Variants in COL23A1 observed in about 807,000 individuals in gnomAD.
The protein encoded by COL23A1 is collagen alpha-1(XXIII) chain.
COL23A1 carries 97 observed loss-of-function variants against 99.3 expected under a neutral mutation model. The observed-to-expected ratio is 0.98, with a 90% CI of 0.83 to 1.16. The LOEUF is 1.16. COL23A1 is among the 50% of genes most tolerant of loss of function. The pLI, the probability that COL23A1 is intolerant of heterozygous loss-of-function variation, is 0.00. For synonymous variants in COL23A1, 320 were observed against 308.2 expected (o/e 1.04, Z -0.40); for missense variants, 762 against 757.4 (o/e 1.01, Z -0.07).
chr5:178,536,201 A>C (rs645788), intron 2 of COL23A1, among the ~76,000 whole-genome samples: 76,528 of 151,978 alleles, frequency 0.5, 19,668 homozygotes, highest in Non-Finnish European at 0.57. Context: ...TCGGCTGGGG[A>C]CGCGGCTCAT....
chr5:178,291,933 T>G (rs980209524), intron 3 of COL23A1, among the ~76,000 whole-genome samples: 1 of 152,142 alleles, frequency 6.6e-6, no homozygotes, highest in Admixed American at 6.6e-5. Flanking sequence ...CAGAGCAAGA[T>G]GCTGGCAGCT....
intron 2 of COL23A1, among the ~76,000 whole-genome samples, chr5:178,495,189 T>C (rs1188122597): frequency 6.6e-6 from 1 of 152,214 alleles, no homozygotes; most frequent in African/African-American, 2.4e-5. Context: ...GCAGGCTCCC[T>C]GCACCCCGCC....
At chr5:178,523,177 T>TAC (rs1554189047) in intron 2 of COL23A1, among the ~76,000 whole-genome samples, 13 of 77,890 alleles carry the variant, frequency 1.7e-4, no homozygotes, top group East Asian at 1.2e-3. Context: ...TATATATATA[T>TAC]ACACATATAT....
intron 3 of COL23A1, among the ~76,000 whole-genome samples, chr5:178,303,207 C>T (rs1178733877): frequency 1.3e-5 from 2 of 152,178 alleles, no homozygotes; most frequent in African/African-American, 2.4e-5. Context: ...ACCATGTTGG[C>T]CAGGCTGGTC....
In COL23A1 at chr5:178,238,639, T is replaced by C. The variant is rs1581423010; in HGVS notation, c.*59A>G. On this transcript the variant is annotated 3_prime_UTR_variant, in exon 29 of 29. Transcript: ENST00000390654. Reference sequence around the variant, plus strand: ...AAAGATCAATATATTACTGTTTTGTTTTTACAAAAATTAAAAATGTCCACA... The same window carrying C: ...AAAGATCAATATATTACTGTTTTGTCTTTACAAAAATTAAAAATGTCCACA... 4 of 1,606,820 alleles carry C rather than the reference T, an allele frequency of 2.5e-6. No individual in the cohort carries two copies. The highest frequency in any genetic ancestry group is 1.3e-5 in the African/African-American group (1 of 74,794).
Position 178,246,237 on chromosome 5 carries a change from C to T in COL23A1, c.1413+17G>A. 1 of 1,553,022 alleles carries T rather than the reference C, an allele frequency of 6.4e-7. No homozygotes were observed. Among genetic ancestry groups the T allele is most frequent in the African/African-American group, 1.4e-5 (1 of 73,328 alleles). ...GGTGGCCACGGTTGGAGAGGGAGTT[C>T]CGAATGAGGCGGTTACCTTCTCTCC... On this transcript the variant is annotated intron_variant, in intron 24 of 28. Coordinates refer to ENST00000390654, the MANE Select transcript of COL23A1 (RefSeq NM_173465.4).
At chr5:178,482,238 G>A (rs994548443) in intron 2 of COL23A1, among the ~76,000 whole-genome samples, 33 of 152,178 alleles carry the variant, frequency 2.2e-4, no homozygotes, top group African/African-American at 7.7e-4. Flanking sequence ...CAATTGTGGT[G>A]TATACATACA....
chr5:178,495,762 G>C (rs1366165166), intron 2 of COL23A1, among the ~76,000 whole-genome samples: 1 of 152,060 alleles, frequency 6.6e-6, no homozygotes, highest in African/African-American at 2.4e-5. Context: ...CAGGAGACAG[G>C]GTAAGTAAAA....
intron 2 of COL23A1, among the ~76,000 whole-genome samples, chr5:178,496,174 G>A (rs530834408): frequency 4.6e-5 from 7 of 152,248 alleles, no homozygotes; most frequent in South Asian, 4.2e-4. Flanking sequence ...TTAAAATACC[G>A]ACCCCCTTTC....
At chr5:178,355,883 GCTAGTGAA>G (rs1275030614) in intron 2 of COL23A1, among the ~76,000 whole-genome samples, 1 of 150,284 alleles carries the variant, frequency 6.7e-6, no homozygotes, top group African/African-American at 2.5e-5. Context: ...ACAGCACTGA[GCTAGTGAA>G]CATGTTCACC....
chr5:178,462,429 T>G (rs996601509), intron 2 of COL23A1, among the ~76,000 whole-genome samples: 30 of 152,228 alleles, frequency 2.0e-4, no homozygotes, highest in African/African-American at 6.8e-4. Context: ...TTTAACTTAC[T>G]TCAGTCATTT....
chr5:178,578,117 TCATGCACACACACACATG>T (rs1164984118), intron 1 of COL23A1, among the ~76,000 whole-genome samples: 4 of 140,138 alleles, frequency 2.9e-5, no homozygotes, highest in South Asian at 4.5e-4. Flanking sequence ...ATGCACACAT[TCATGCACACACACACATG>T]CATGCACACA....
chr5:178,253,275 G>A (rs1312993327), intron 16 of COL23A1, among the ~76,000 whole-genome samples: 1 of 118,144 alleles, frequency 8.5e-6, no homozygotes, highest in Non-Finnish European at 1.7e-5. Context: ...GGAAGCTCTA[G>A]GTCTCTCCCC....
intron 2 of COL23A1, among the ~76,000 whole-genome samples, chr5:178,558,994 TG>T (rs1762419242): frequency 6.6e-6 from 1 of 152,150 alleles, no homozygotes; most frequent in Non-Finnish European, 1.5e-5. Flanking sequence ...TTCACCACGT[TG>T]GCCAGACTGC....
chr5:178,413,629 A>G (rs986529973), intron 2 of COL23A1, among the ~76,000 whole-genome samples: 4 of 152,228 alleles, frequency 2.6e-5, no homozygotes, highest in African/African-American at 9.6e-5. Flanking sequence ...TACAATGAAG[A>G]GTGATGACAG....
intron 1 of COL23A1, among the ~76,000 whole-genome samples, chr5:178,585,744 G>GGGGTAACGCCCT: frequency 5.3e-5 from 8 of 152,092 alleles, no homozygotes; most frequent in South Asian, 2.1e-4. Flanking sequence ...AGCCCTGGCT[G>GGGGTAACGCCCT]ACCCTGTTGG....
intron 2 of COL23A1, among the ~76,000 whole-genome samples, chr5:178,456,652 C>G (rs569259859): frequency 1.3e-5 from 2 of 152,074 alleles, no homozygotes; most frequent in African/African-American, 2.4e-5. Context: ...GAGCCGAGAT[C>G]GCACCATTGC....
At position 178,585,948 on chromosome 5, in the gene COL23A1, G is replaced by C. The variant is rs116246685; in HGVS notation, c.294+3956C>G. ...GCTAGTGGCTGTAAGTCTGCCGAAA[G>C]GTGGGAAAGTTTTCCCCTGAATTGA... On this transcript the variant is annotated intron_variant, in intron 1 of 28. Transcript: ENST00000390654. 9.8e-3 allele frequency among the ~76,000 whole-genome samples: 1,495 copies of C among 152,302 alleles called. 27 individuals carry two copies. Among genetic ancestry groups the C allele is most frequent in the African/African-American group, 0.033 (1,384 of 41,562 alleles).
At position 178,544,079 on chromosome 5, in the gene COL23A1, A is replaced by G. The variant is rs963554832; in HGVS notation, c.361+16603T>C. Among the ~76,000 whole-genome samples, 1 of 152,102 alleles carries G rather than the reference A, an allele frequency of 6.6e-6. No homozygotes were observed. Among genetic ancestry groups the G allele is most frequent in the Non-Finnish European group, 1.5e-5 (1 of 68,000 alleles). On this transcript the variant is annotated intron_variant, in intron 2 of 28. Coordinates refer to ENST00000390654, the MANE Select transcript of COL23A1 (RefSeq NM_173465.4). The surrounding 1 kb of genome is among the most constrained non-coding windows in gnomAD (Gnocchi z 4.4). The stretch of plus-strand genomic sequence containing the variant: ...TTACCTTGGAGATTAGGATTTCAAC[A>G]TATGACTTTGGGACACAAGATTCAG...
Sources: gnomAD v4.1 joint callset for allele counts (sites outside exome capture counted in the v4.1 genomes callset) on GRCh38, gnomAD v4.1.1 for gene constraint, Gnocchi (gnomAD v3.1) non-coding constraint, MANE v1.5 for transcripts, NCBI Gene and HGNC (gene_info 2026-07-23, HGNC 2026-07-21) for gene names.